The following PDE1C variants were observed in gnomAD, a reference collection of about 807,000 sequenced individuals.
PDE1C encodes phosphodiesterase 1C, also known as dual specificity calcium/calmodulin-dependent 3',5'-cyclic nucleotide phosphodiesterase 1C.
In PDE1C, 62 loss-of-function variants were observed where a neutral mutation model predicts 93.1. The observed-to-expected ratio is 0.67, with a 90% CI of 0.54 to 0.82. PDE1C has a LOEUF of 0.82. Ranked by LOEUF, PDE1C falls within the 40% of genes least tolerant of loss-of-function variation. The pLI, the probability that PDE1C is intolerant of heterozygous loss-of-function variation, is 0.00. For missense variants in PDE1C, 742 were observed against 884.6 expected (o/e 0.84, Z 2.04); for synonymous variants, 325 against 310.1 (o/e 1.05, Z -0.50).
chr7:31,971,322 A>G (rs960046875), intron 2 of PDE1C, among the ~76,000 whole-genome samples: 3 of 152,120 alleles, frequency 2.0e-5, no homozygotes, highest in Non-Finnish European at 4.4e-5. Context: ...ACTGAGGCTT[A>G]GGGGTATATA....
chr7:32,032,704 C>T (rs1226917826), intron 2 of PDE1C, among the ~76,000 whole-genome samples: 1 of 152,080 alleles, frequency 6.6e-6, no homozygotes, highest in Non-Finnish European at 1.5e-5. Context: ...CAGACAGTGC[C>T]CTCTCCACAC....
At chr7:32,068,400 A>AAAGAAG (rs80277962) in intron 1 of PDE1C, among the ~76,000 whole-genome samples, 2 of 152,080 alleles carry the variant, frequency 1.3e-5, no homozygotes, top group South Asian at 4.1e-4. Flanking sequence ...TTATGTTTAA[A>AAAGAAG]AAGAAGAAGA....
In PDE1C at chr7:32,167,981, G is replaced by A. The variant is rs556397558; in HGVS notation, c.308+1804C>T. On this transcript the variant is annotated intron_variant, in intron 3 of 18. Coordinates refer to the PDE1C transcript ENST00000396193. ...CAGCTGATCATGCCACCACAGTTAA[G>A]GACAATTGCAGAAGAGAATATTTAC... 3.3e-5 allele frequency among the ~76,000 whole-genome samples: 5 copies of A among 152,148 alleles called. No individual in the cohort carries two copies. In the East Asian group the frequency reaches 9.7e-4, roughly 29 times the overall value.
intron 2 of PDE1C, among the ~76,000 whole-genome samples, chr7:32,033,789 C>T (rs1422280193): frequency 6.6e-6 from 1 of 152,090 alleles, no homozygotes; most frequent in Non-Finnish European, 1.5e-5. Flanking sequence ...CTCCAGAAAA[C>T]AAAAACAGTA....
the PDE1C span, chr7:31,695,456 C>T: frequency 4.4e-6 from 7 of 1,588,786 alleles, no homozygotes; most frequent in Non-Finnish European, 6.0e-6. Context: ...TCTTTGTATC[C>T]TGTCAAAATT....
At chr7:31,840,254 T>C (rs911702303) in intron 9 of PDE1C, among the ~76,000 whole-genome samples, 2 of 152,216 alleles carry the variant, frequency 1.3e-5, no homozygotes, top group Non-Finnish European at 2.9e-5. Flanking sequence ...TGTACTTATA[T>C]TCCATTTGTA....
At chr7:32,255,206 G>A (rs1464259853) in intron 1 of PDE1C, among the ~76,000 whole-genome samples, 1 of 152,120 alleles carries the variant, frequency 6.6e-6, no homozygotes, top group Non-Finnish European at 1.5e-5. Flanking sequence ...ATGAGTTCAT[G>A]GGAGTCAAGG....
At chr7:32,195,258 A>G (rs547286560) in intron 2 of PDE1C, among the ~76,000 whole-genome samples, 2 of 152,112 alleles carry the variant, frequency 1.3e-5, no homozygotes, top group East Asian at 1.9e-4. Context: ...TCCTTCTCTT[A>G]TTGTTTTCTT....
intron 3 of PDE1C, among the ~76,000 whole-genome samples, chr7:32,102,836 G>T (rs969879702): frequency 1.3e-5 from 2 of 152,150 alleles, no homozygotes; most frequent in Non-Finnish European, 2.9e-5. Context: ...TGGGCATTTT[G>T]CACTCTGTAC....
chr7:31,759,796 A>G (rs758939), intron 17 of PDE1C, among the ~76,000 whole-genome samples: 19,690 of 152,152 alleles, frequency 0.13, 1,586 homozygotes, highest in Non-Finnish European at 0.18. Flanking sequence ...TAAATATAAC[A>G]ATTTCTCCCA....
Position 32,227,088 on chromosome 7 carries a change from G to T in PDE1C, c.86-17549C>A, listed in dbSNP as rs77502209. 3.3e-5 allele frequency among the ~76,000 whole-genome samples: 5 copies of T among 152,240 alleles called. No homozygotes were observed. In the South Asian group the frequency reaches 1.0e-3, roughly 32 times the overall value. On this transcript the variant is annotated intron_variant, in intron 1 of 18. Transcript: ENST00000396193. Reference sequence around the variant, plus strand: ...TCTGCCCGCAGCCAACCTTGCAGTCGCACTGCTCACATGTGCTGAGTCCCT... The same window carrying T: ...TCTGCCCGCAGCCAACCTTGCAGTCTCACTGCTCACATGTGCTGAGTCCCT...
At chr7:31,901,098 G>A (rs1040421022) in intron 2 of PDE1C, among the ~76,000 whole-genome samples, 3 of 148,710 alleles carry the variant, frequency 2.0e-5, no homozygotes, top group African/African-American at 7.4e-5. Flanking sequence ...ATTAAGGACT[G>A]GAATAAGGCA....
chr7:31,863,005 T>C (rs553835128), intron 7 of PDE1C, among the ~76,000 whole-genome samples: 26 of 152,314 alleles, frequency 1.7e-4, no homozygotes, highest in African/African-American at 5.3e-4. Context: ...CAGATTATCA[T>C]GTTTCATATT....
intron 2 of PDE1C, among the ~76,000 whole-genome samples, chr7:32,044,136 C>G (rs371904870): frequency 6.6e-6 from 1 of 152,082 alleles, no homozygotes; most frequent in Non-Finnish European, 1.5e-5. Context: ...AACTCTTATA[C>G]AGAATTAGAG....
At chr7:32,227,403 T>C (rs903642564) in intron 1 of PDE1C, among the ~76,000 whole-genome samples, 4 of 152,190 alleles carry the variant, frequency 2.6e-5, no homozygotes, top group African/African-American at 9.7e-5. Flanking sequence ...CTGGCTCTTA[T>C]GAAAACTGTA....
intron 2 of PDE1C, among the ~76,000 whole-genome samples, chr7:32,181,172 G>A (rs538280973): frequency 2.6e-5 from 4 of 152,144 alleles, no homozygotes; most frequent in Non-Finnish European, 5.9e-5. Context: ...CATACAAAGA[G>A]ACTTAGACTC....
At chr7:32,399,509 G>A (rs1784902688) in intron 1 of PDE1C, among the ~76,000 whole-genome samples, 3 of 151,556 alleles carry the variant, frequency 2.0e-5, no homozygotes, top group African/African-American at 7.3e-5. Context: ...GTGGCAGAGA[G>A]ATCTTGCTCA....
chr7:31,898,144 C>T (rs1202751387), intron 2 of PDE1C, among the ~76,000 whole-genome samples: 2 of 151,838 alleles, frequency 1.3e-5, no homozygotes, highest in African/African-American at 4.8e-5. Context: ...AAGTATTTCA[C>T]AAATACCTAT....
chr7:31,637,306 C>T, the PDE1C span, among the ~76,000 whole-genome samples: 6 of 152,196 alleles, frequency 3.9e-5, no homozygotes, highest in East Asian at 1.9e-4. Context: ...CCTGAGGAAT[C>T]GCCACACTGA....
Sources: gnomAD v4.1 joint callset for allele counts (sites outside exome capture counted in the v4.1 genomes callset) on GRCh38, gnomAD v4.1.1 for gene constraint, MANE v1.5 for transcripts, NCBI Gene and HGNC (gene_info 2026-07-23, HGNC 2026-07-21) for gene names.